CCNYL1: variants seen among roughly 807,000 people sequenced by gnomAD.
CCNYL1 encodes cyclin Y like 1, also known as cyclin-Y-like protein 1.
Under a neutral mutation model 44.2 loss-of-function variants are expected in CCNYL1, and 16 were observed. That is an observed-to-expected ratio of 0.36 (90% CI 0.25 to 0.55). The LOEUF (loss-of-function observed/expected upper bound fraction) is 0.55. Among genes scored for constraint, CCNYL1 ranks in the 20% least tolerant of loss-of-function variants. The probability of loss-of-function intolerance (pLI) is 0.85; values close to 1 mark genes in which losing one functional copy is unlikely to be tolerated. For missense variants in CCNYL1, 348 were observed against 451.8 expected, an observed-to-expected ratio of 0.77 and a Z score of 2.08; for synonymous variants, 159 against 163.2, an observed-to-expected ratio of 0.97 and a Z score of 0.20.
chr2:207,725,802 T>C (rs921024436), intron 2 of CCNYL1, among the ~76,000 whole-genome samples: 17 of 152,240 alleles, frequency 1.1e-4, no homozygotes, highest in African/African-American at 3.1e-4. Flanking sequence ...TGTATTTTTC[T>C]GTACTCCTGT....
chr2:207,723,633 TG>T (rs1251341831), intron 1 of CCNYL1, among the ~76,000 whole-genome samples: 1 of 152,028 alleles, frequency 6.6e-6, no homozygotes, highest in East Asian at 1.9e-4. Flanking sequence ...CCCAGCACCT[TG>T]GGAGGCTGAG....
At chr2:207,738,719 T>TTTTTTTTTC (rs1491230545) in intron 5 of CCNYL1, among the ~76,000 whole-genome samples, 1 of 24 alleles carries the variant, frequency 0.042, no homozygotes, top group African/African-American at 0.05. Flanking sequence ...CTCTTCTTTC[T>TTTTTTTTTC]TTTTTTTTTC....
intron 7 of CCNYL1, among the ~76,000 whole-genome samples, chr2:207,742,845 G>A (rs1474660672): frequency 2.6e-5 from 4 of 152,160 alleles, no homozygotes; most frequent in Non-Finnish European, 5.9e-5. Context: ...GTGCCTGCTC[G>A]TGATGTTGCC....
intron 5 of CCNYL1, among the ~76,000 whole-genome samples, chr2:207,739,373 CG>C (rs2091790542): frequency 6.6e-6 from 1 of 152,132 alleles, no homozygotes; most frequent in Admixed American, 6.5e-5. Context: ...GCCGGGACTG[CG>C]GGCGCCTGTC....
intron 8 of CCNYL1, among the ~76,000 whole-genome samples, chr2:207,748,520 A>G (rs1342104403): frequency 6.6e-6 from 1 of 152,196 alleles, no homozygotes; most frequent in Non-Finnish European, 1.5e-5. Context: ...ATTTCCAGCA[A>G]AGGCTCTCAG....
At chr2:207,733,059 G>A (rs746410101) in intron 3 of CCNYL1, among the ~76,000 whole-genome samples, 1 of 150,936 alleles carries the variant, frequency 6.6e-6, no homozygotes, top group South Asian at 2.1e-4. Flanking sequence ...TGAATTAGAT[G>A]GATGAATGTA....
intron 4 of CCNYL1, among the ~76,000 whole-genome samples, chr2:207,736,768 CA>C (rs756713433): frequency 6.6e-6 from 1 of 151,906 alleles, no homozygotes; most frequent in Non-Finnish European, 1.5e-5. Context: ...ACCAAAAAAC[CA>C]AATAGTTTAA....
chr2:207,741,491 C>T (rs1368287271), intron 6 of CCNYL1, among the ~76,000 whole-genome samples: 1 of 152,124 alleles, frequency 6.6e-6, no homozygotes, highest in Non-Finnish European at 1.5e-5. Context: ...AAAGTCATGT[C>T]ACTCAACCAG....
intron 7 of CCNYL1, among the ~76,000 whole-genome samples, chr2:207,742,709 G>A (rs1364514473): frequency 6.6e-6 from 1 of 152,178 alleles, no homozygotes; most frequent in Non-Finnish European, 1.5e-5. Flanking sequence ...TGATTCCAGT[G>A]TAGGTCTAAG....
At chr2:207,712,957 A>T (rs1307280236) in intron 1 of CCNYL1, among the ~76,000 whole-genome samples, 1 of 152,288 alleles carries the variant, frequency 6.6e-6, no homozygotes, top group Non-Finnish European at 1.5e-5. Context: ...CTGGGATTAC[A>T]GGCGTGCGCC....
intron 4 of CCNYL1, 121 bp downstream of exon 4, chr2:207,734,168 G>T: frequency 1.7e-6 from 1 of 589,078 alleles, no homozygotes; most frequent in Non-Finnish European, 3.1e-6. Flanking sequence ...TTAAGAAATC[G>T]GTGTCAACTA....
chr2:207,726,203 C>A (rs62189192), intron 2 of CCNYL1, among the ~76,000 whole-genome samples: 1,639 of 152,266 alleles, frequency 0.011, 19 homozygotes, highest in Middle Eastern at 0.041. Context: ...TGGTCCAAGT[C>A]CCTCTTGGAG....
chr2:207,738,328 C>G (rs569333569), intron 5 of CCNYL1, among the ~76,000 whole-genome samples: 2 of 152,144 alleles, frequency 1.3e-5, no homozygotes, highest in Non-Finnish European at 2.9e-5. Flanking sequence ...TCAAGCGATT[C>G]TCCTGCCTCG....
chr2:207,739,257 G>A (rs1233186792), intron 5 of CCNYL1, among the ~76,000 whole-genome samples: 3 of 152,042 alleles, frequency 2.0e-5, no homozygotes, highest in African/African-American at 7.3e-5. Context: ...TTTTGAGACT[G>A]AGTCTCACTC....
At chr2:207,750,628 T>G (rs552223501) in intron 8 of CCNYL1, 1 of 194,472 alleles carries the variant, frequency 5.1e-6, no homozygotes, top group Admixed American at 5.9e-5. Flanking sequence ...TTTCATCTGA[T>G]CACTATAGTG....
At position 207,711,892 on chromosome 2, in the gene CCNYL1, T is replaced by G; in HGVS notation, c.-5T>G. 7.3e-7 allele frequency: 1 copy of G among 1,375,368 alleles called. No homozygotes were observed. Among genetic ancestry groups the G allele is most frequent in the African/African-American group, 1.5e-5 (1 of 65,156 alleles). 85.2% of individuals were successfully genotyped at this position (1,375,368 alleles called of 1,614,324 possible). ...GGCGGTGGCAGAGAGGAGCGGAGGC[T>G]TCCCATGGGGAACACGCTGACCTGT... On this transcript the variant is annotated 5_prime_UTR_variant, in exon 1 of 10. Coordinates refer to ENST00000295414, the MANE Select transcript of CCNYL1 (RefSeq NM_001330218.2).
intron 5 of CCNYL1, among the ~76,000 whole-genome samples, chr2:207,739,505 T>C (rs1047949777): frequency 5.3e-5 from 8 of 152,164 alleles, no homozygotes; most frequent in African/African-American, 1.9e-4. Context: ...GCTGGGATTA[T>C]AGGCATGAGC....
intron 1 of CCNYL1, among the ~76,000 whole-genome samples, chr2:207,717,726 G>A (rs1474254623): frequency 6.6e-6 from 1 of 152,044 alleles, no homozygotes; most frequent in East Asian, 1.9e-4. Flanking sequence ...CCTTGAATGG[G>A]AGCAAACTTG....
At chr2:207,718,975 TAAAAA>T (rs567430818) in intron 1 of CCNYL1, among the ~76,000 whole-genome samples, 2 of 138,856 alleles carry the variant, frequency 1.4e-5, no homozygotes, top group East Asian at 2.1e-4. Context: ...ATGGAGCTGT[TAAAAA>T]AAAAAAAAAC....
Sources: gnomAD v4.1 joint callset for allele counts (sites outside exome capture counted in the v4.1 genomes callset) on GRCh38, gnomAD v4.1.1 for gene constraint, MANE v1.5 for transcripts, NCBI Gene and HGNC (gene_info 2026-07-23, HGNC 2026-07-21) for gene names.